KNL1: variants seen among roughly 807,000 people sequenced by gnomAD.
KNL1 encodes the protein outer kinetochore KNL1 complex subunit KNL1.
Under a neutral mutation model 201.3 loss-of-function variants are expected in KNL1, and 66 were observed. The observed-to-expected ratio is 0.33, with a 90% CI of 0.27 to 0.40. KNL1 has a LOEUF of 0.40. Among genes scored for constraint, KNL1 ranks in the 10% least tolerant of loss-of-function variants. The pLI, the probability that KNL1 is intolerant of heterozygous loss-of-function variation, is 1.00. For synonymous variants in KNL1, 895 were observed against 899.2 expected (o/e 1.00, Z 0.08); for missense variants, 2,815 against 2,690.5 (o/e 1.05, Z -1.02).
chr15:40,607,139 A>G (rs989701589), intron 4 of KNL1, among the ~76,000 whole-genome samples: 1 of 152,130 alleles, frequency 6.6e-6, no homozygotes, highest in African/African-American at 2.4e-5. Flanking sequence ...GGCTCAAGTG[A>G]TCCTCTTGCC....
rs767136354 is a variant in KNL1, at chr15:40,651,555, G to C, written c.6297G>C (p.Glu2099Asp). Residue 2099 changes from glutamate (E) to aspartate (D), a missense_variant, in exon 20 of 26, where the codon GAG (glutamate) becomes GAC (aspartate). Physicochemically the swap from Glu to Asp is conservative, Grantham distance 45. This residue lies in a region of KNL1 where 334 missense variants were observed against 362.6 expected (regional missense o/e 0.92). Coordinates refer to ENST00000399668, the MANE Select transcript of KNL1 (RefSeq NM_144508.5). ...AAAAACAAAGAAATAGAACTGAAGAGCTACTGGATCAGTTGAGGTAAGGAA... is the reference window on the plus strand; with the variant it reads ...AAAAACAAAGAAATAGAACTGAAGACCTACTGGATCAGTTGAGGTAAGGAA... ...FMQKQRNRTEELLDQLSLSEW... is the reference protein window; with the variant it reads ...FMQKQRNRTEDLLDQLSLSEW... The C allele has an allele frequency of 1.2e-6, 2 of 1,607,410 alleles. No individual in the cohort carries two copies. The highest frequency in any genetic ancestry group is 1.7e-4 in the Middle Eastern group (1 of 6,044).
In KNL1 at chr15:40,625,383, CCTT is replaced by C; in HGVS notation, c.5122_5124del (p.Ser1708del). 6.2e-7 allele frequency: 1 copy of C among 1,613,890 alleles called. No homozygotes were observed. The highest frequency in any genetic ancestry group is 8.5e-7 in the Non-Finnish European group (1 of 1,179,926). On this transcript the variant is annotated inframe_deletion, in exon 10 of 26. Transcript: ENST00000399668. Reference sequence around the variant, plus strand: ...TGTTGCAGGTAAACTGAACCTAAGTCCTTCTCAATATATAAATGAGGAAAATCT... The same window carrying C: ...TGTTGCAGGTAAACTGAACCTAAGTCCTCAATATATAAATGAGGAAAATCT...
chr15:40,628,755 A>G, intron 12 of KNL1, 77 bp downstream of exon 12: 2 of 941,600 alleles, frequency 2.1e-6, no homozygotes, highest in Non-Finnish European at 3.2e-6. Flanking sequence ...TACACGTAAT[A>G]TTCTTGGTTT....
chr15:40,640,882 A>G, intron 13 of KNL1, 30 bp from the exon 14 acceptor site: 1 of 1,265,194 alleles, frequency 7.9e-7, no homozygotes, highest in African/African-American at 1.5e-5. Flanking sequence ...GCAAGATACC[A>G]GTTCTCAGGG....
In KNL1 at chr15:40,662,447, C is replaced by G; in HGVS notation, c.*259C>G. On this transcript the variant is annotated 3_prime_UTR_variant, in exon 26 of 26. Coordinates refer to ENST00000399668, the MANE Select transcript of KNL1 (RefSeq NM_144508.5). ...GTAATAGGACACTTAGGAAAAATGT[C>G]TCCTAACTAAACTAGTGCTTTCTGC... 1 of 339,596 alleles carries G rather than the reference C, an allele frequency of 2.9e-6. No individual in the cohort carries two copies. The highest frequency in any genetic ancestry group is 5.4e-6 in the Non-Finnish European group (1 of 185,588). The allele number at this position is 339,596 out of a possible 1,614,324, so 21.0% of individuals were successfully genotyped here.
At chr15:40,652,233 ACAGT>A in intron 21 of KNL1, 128 bp downstream of exon 21, 1 of 477,740 alleles carries the variant, frequency 2.1e-6, no homozygotes, top group Non-Finnish European at 3.7e-6. Flanking sequence ...AAGTCTTAGA[ACAGT>A]CACTTTATTG....
At chr15:40,641,105 T>G in intron 14 of KNL1, 78 bp downstream of exon 14, 1 of 967,286 alleles carries the variant, frequency 1.0e-6, no homozygotes, top group Non-Finnish European at 1.6e-6. Flanking sequence ...AGGTTTTGAT[T>G]AGAATAATGC....
chr15:40,620,188 C>T (rs569777504), intron 9 of KNL1, among the ~76,000 whole-genome samples: 2 of 151,708 alleles, frequency 1.3e-5, no homozygotes, highest in Non-Finnish European at 2.9e-5. Flanking sequence ...GGATTACAGG[C>T]GTGAGCCACT....
intron 10 of KNL1, 30 bp downstream of exon 10, chr15:40,625,670 CTTGAATTTTGG>C (rs1301391375): frequency 6.4e-7 from 1 of 1,564,582 alleles, no homozygotes; most frequent in Admixed American, 1.8e-5. Context: ...AAAGAATGTT[CTTGAATTTTGG>C]GTTTTGTTTT....
In KNL1 at chr15:40,620,706, G is replaced by A. The variant is rs1043256244; in HGVS notation, c.442G>A (p.Glu148Lys). ...TGACCAGACAGTCATTTTTTCAGAT[G>A]AAAACCAGATGGACCTGACATCAAG... ...ANDQTVIFSD[E>K]NQMDLTSSHT... The change falls in exon 10 of 26, where the codon GAA (glutamate) becomes AAA (lysine). Residue 148 changes from glutamate to lysine, a missense_variant. Physicochemically the swap from Glu to Lys is moderately conservative, Grantham distance 56 (BLOSUM62 1). Transcript: ENST00000399668. The A allele has an allele frequency of 6.2e-7, 1 of 1,604,056 alleles. No homozygotes were observed. Among genetic ancestry groups the A allele is most frequent in the Non-Finnish European group, 8.5e-7 (1 of 1,177,310 alleles).
At chr15:40,654,665 C>T (rs918877079) in intron 21 of KNL1, among the ~76,000 whole-genome samples, 1 of 150,892 alleles carries the variant, frequency 6.6e-6, no homozygotes, top group Non-Finnish European at 1.5e-5. Context: ...GTCAGGAGAT[C>T]GAGACCATCC....
chr15:40,649,412 C>CA (rs1395039928), intron 17 of KNL1, among the ~76,000 whole-genome samples: 5 of 151,268 alleles, frequency 3.3e-5, no homozygotes, highest in African/African-American at 9.7e-5. Flanking sequence ...TCTTGTGCCT[C>CA]AGCCTCCCAA....
chr15:40,594,661 T>G (rs532634816), intron 1 of KNL1, among the ~76,000 whole-genome samples: 4 of 152,244 alleles, frequency 2.6e-5, no homozygotes, highest in Non-Finnish European at 5.9e-5. Context: ...GGGTTGCTTG[T>G]CCGTCGCTCT....
chr15:40,612,458 C>T (rs1398374812), intron 7 of KNL1, among the ~76,000 whole-genome samples: 1 of 151,964 alleles, frequency 6.6e-6, no homozygotes, highest in Non-Finnish European at 1.5e-5. Context: ...TGCCCCTGCA[C>T]TCCAACCTGG....
At chr15:40,642,109 T>C (rs976973847) in intron 14 of KNL1, among the ~76,000 whole-genome samples, 16 of 152,196 alleles carry the variant, frequency 1.1e-4, no homozygotes, top group East Asian at 1.9e-4. Flanking sequence ...AAAAGAATTA[T>C]GTAGTTTTGG....
At chr15:40,651,271 C>A (rs1276742513) in intron 19 of KNL1, among the ~76,000 whole-genome samples, 200 bp from the exon 20 acceptor site, 5 of 146,090 alleles carry the variant, frequency 3.4e-5, no homozygotes, top group Non-Finnish European at 7.5e-5. Flanking sequence ...CCCAGGTAGA[C>A]CCACTTCTAG....
chr15:40,602,957 A>G lies in KNL1; in HGVS notation c.26A>G (p.Asn9Ser), dbSNP rs778536860. The change falls in exon 2 of 26, where the codon AAT (asparagine) becomes AGT (serine). Residue 9 changes from asparagine to serine, a missense_variant. Transcript: ENST00000399668. ...ATGGATGGGGTGTCTTCAGAGGCTA[A>G]TGAAGAAAAGTAAGTTCATTTAATG... MDGVSSEANEENDNIERPV... is the reference protein window; with the variant it reads MDGVSSEASEENDNIERPV... 11 of 1,593,098 alleles carry G rather than the reference A, an allele frequency of 6.9e-6. No homozygotes were observed. Among genetic ancestry groups the G allele is most frequent in the South Asian group, 2.2e-5 (2 of 89,100 alleles).
At chr15:40,643,093 A>G (rs2141749997) in intron 14 of KNL1, 1 of 152,370 alleles carries the variant, frequency 6.6e-6, no homozygotes, top group South Asian at 2.1e-4. Context: ...AAAGACTAAT[A>G]TATATTGAGA....
At chr15:40,661,974 G>A (rs1893922917) in intron 25 of KNL1, 100 bp from the exon 26 acceptor site, 1 of 636,098 alleles carries the variant, frequency 1.6e-6, no homozygotes, top group Non-Finnish European at 2.8e-6. Flanking sequence ...CCGGGAGGTG[G>A]AGCTTGCAGT....
Sources: gnomAD v4.1 joint callset for allele counts (sites outside exome capture counted in the v4.1 genomes callset) on GRCh38, gnomAD v4.1.1 for gene constraint, gnomAD v4.1.1 regional missense constraint, MANE v1.5 for transcripts, NCBI Gene and HGNC (gene_info 2026-07-23, HGNC 2026-07-21) for gene names.